TMEM51: variants seen among roughly 807,000 people sequenced by gnomAD.
TMEM51 encodes transmembrane protein 51.
TMEM51 carries 8 observed loss-of-function variants against 13.6 expected under a neutral mutation model. The observed-to-expected ratio is 0.59, with a 90% CI of 0.35 to 1.07. The LOEUF (loss-of-function observed/expected upper bound fraction) is 1.07. Among genes scored for constraint, TMEM51 ranks in the 50% least tolerant of loss-of-function variants. The pLI is 0.02. For missense variants in TMEM51, 279 were observed against 330.7 expected, an observed-to-expected ratio of 0.84 and a Z score of 1.21; for synonymous variants, 147 against 144.4, an observed-to-expected ratio of 1.02 and a Z score of -0.13.
intron 2 of TMEM51, among the ~76,000 whole-genome samples, chr1:15,212,210 G>C (rs1644351604): frequency 6.6e-6 from 1 of 152,120 alleles, no homozygotes; most frequent in Admixed American, 6.5e-5. Context: ...TTCTATAAAT[G>C]CCAAAACTTG....
intron 1 of TMEM51, among the ~76,000 whole-genome samples, chr1:15,158,983 G>A (rs986025880): frequency 4.6e-5 from 7 of 152,096 alleles, no homozygotes; most frequent in Admixed American, 2.6e-4. Context: ...AGGTAAAAAC[G>A]TCTCTCCTCC....
chr1:15,159,889 A>G (rs1321137273), intron 1 of TMEM51, among the ~76,000 whole-genome samples: 2 of 152,174 alleles, frequency 1.3e-5, no homozygotes, highest in East Asian at 1.9e-4. Flanking sequence ...TCCCAGGCCC[A>G]TCCCCTGGCC....
intron 1 of TMEM51, among the ~76,000 whole-genome samples, chr1:15,196,391 T>C (rs1311374272): frequency 7.0e-5 from 3 of 42,704 alleles, no homozygotes; most frequent in African/African-American, 2.7e-4. Flanking sequence ...TGTGTGTGTG[T>C]GCATGTGTGT....
chr1:15,165,830 G>A (rs7551314), intron 1 of TMEM51, among the ~76,000 whole-genome samples: 36,664 of 151,910 alleles, frequency 0.24, 4,835 homozygotes, highest in African/African-American at 0.35. Context: ...ATTGTTCATT[G>A]TACATCAAAT....
intron 1 of TMEM51, among the ~76,000 whole-genome samples, chr1:15,172,834 C>T (rs950548594): frequency 8.5e-5 from 13 of 152,216 alleles, no homozygotes; most frequent in East Asian, 3.9e-4. Flanking sequence ...AGACGTGAAT[C>T]GTCTCTTTGT....
At chr1:15,216,776 T>C (rs1644438962) in intron 3 of TMEM51, among the ~76,000 whole-genome samples, 1 of 152,184 alleles carries the variant, frequency 6.6e-6, no homozygotes, top group South Asian at 2.1e-4. Context: ...CAGCAACTGT[T>C]GATCTATATT....
intron 1 of TMEM51, among the ~76,000 whole-genome samples, chr1:15,206,714 ACTG>A (rs1644257824): frequency 6.6e-6 from 1 of 152,094 alleles, no homozygotes; most frequent in Non-Finnish European, 1.5e-5. Flanking sequence ...TGCTGCGGAG[ACTG>A]CTATTCTTGT....
intron 1 of TMEM51, chr1:15,192,279 T>C: frequency 2.8e-6 from 1 of 361,352 alleles, no homozygotes. Context: ...TTGAAGGGAG[T>C]TGATTGAATA....
intron 1 of TMEM51, among the ~76,000 whole-genome samples, chr1:15,175,399 T>C (rs1643425612): frequency 6.6e-6 from 1 of 152,032 alleles, no homozygotes. Context: ...AAACTCCATC[T>C]CAACAAATAA....
At chr1:15,157,539 A>C (rs888827536) in intron 1 of TMEM51, among the ~76,000 whole-genome samples, 7 of 152,130 alleles carry the variant, frequency 4.6e-5, no homozygotes, top group African/African-American at 1.7e-4. Context: ...TTGAAAAACA[A>C]AACAGGGCAC....
At chr1:15,213,143 C>T (rs1644369051) in intron 2 of TMEM51, among the ~76,000 whole-genome samples, 1 of 152,216 alleles carries the variant, frequency 6.6e-6, no homozygotes, top group Admixed American at 6.5e-5. Context: ...TCCTGCTGGC[C>T]TAGAAGCTCT....
intron 1 of TMEM51, among the ~76,000 whole-genome samples, chr1:15,183,242 A>T (rs113255643): frequency 2.6e-5 from 4 of 152,348 alleles, no homozygotes; most frequent in African/African-American, 9.6e-5. Context: ...CCAACAGCAG[A>T]ATTCTTTATT....
At chr1:15,193,085 G>A (rs1023778237) in intron 1 of TMEM51, among the ~76,000 whole-genome samples, 3 of 152,210 alleles carry the variant, frequency 2.0e-5, no homozygotes, top group African/African-American at 7.2e-5. Context: ...GAGCACGGAG[G>A]CGCCCAGGCA....
At chr1:15,159,696 A>T (rs1642708403) in intron 1 of TMEM51, among the ~76,000 whole-genome samples, 1 of 152,202 alleles carries the variant, frequency 6.6e-6, no homozygotes, top group Admixed American at 6.5e-5. Context: ...AGCTGGGACT[A>T]CAGGCATGCG....
intron 1 of TMEM51, among the ~76,000 whole-genome samples, chr1:15,203,256 TTTG>T (rs1035670724): frequency 2.0e-5 from 3 of 152,062 alleles, no homozygotes; most frequent in African/African-American, 7.2e-5. Context: ...GCCACCGTTT[TTTG>T]TTTTTTGTTT....
intron 1 of TMEM51, among the ~76,000 whole-genome samples, chr1:15,187,208 C>T (rs1208732181): frequency 2.6e-5 from 4 of 151,880 alleles, no homozygotes; most frequent in Non-Finnish European, 5.9e-5. Flanking sequence ...CCACCCCTCC[C>T]CGAGTCAGAT....
intron 1 of TMEM51, among the ~76,000 whole-genome samples, chr1:15,158,659 T>C (rs1642667751): frequency 6.6e-6 from 1 of 152,160 alleles, no homozygotes; most frequent in South Asian, 2.1e-4. Flanking sequence ...TAATCGGTGA[T>C]TCAGGTAGGA....
At chr1:15,168,832 C>T (rs1049403819) in intron 1 of TMEM51, 20 of 1,249,118 alleles carry the variant, frequency 1.6e-5, no homozygotes, top group Admixed American at 1.1e-4. Context: ...GAGCCATATC[C>T]GGCTCATGAT....
At chr1:15,159,770 T>C (rs4661583) in intron 1 of TMEM51, among the ~76,000 whole-genome samples, 43,390 of 152,128 alleles carry the variant, frequency 0.29, 7,497 homozygotes, top group East Asian at 0.6. Context: ...TTGGCCAGGA[T>C]GGTCTCGATC....
Sources: gnomAD v4.1 joint callset for allele counts (sites outside exome capture counted in the v4.1 genomes callset) on GRCh38, gnomAD v4.1.1 for gene constraint, MANE v1.5 for transcripts, NCBI Gene and HGNC (gene_info 2026-07-23, HGNC 2026-07-21) for gene names.